Variants in PLXNA4 observed in about 807,000 individuals in gnomAD.
The protein encoded by PLXNA4 is plexin A4.
Under a neutral mutation model 191.8 loss-of-function variants are expected in PLXNA4, and 44 were observed. That is an observed-to-expected ratio of 0.23 (90% confidence interval 0.18 to 0.29). PLXNA4 has a LOEUF of 0.29. Among genes scored for constraint, PLXNA4 ranks in the 10% least tolerant of loss-of-function variants. The pLI is 1.00. For missense variants in PLXNA4, 1,800 were observed against 2,488.8 expected (o/e 0.72, Z 5.89); for synonymous variants, 1,082 against 1,009.5 (o/e 1.07, Z -1.36).
chr7:132,189,293 A>T (rs1427580504), intron 14 of PLXNA4, among the ~76,000 whole-genome samples: 2 of 151,972 alleles, frequency 1.3e-5, no homozygotes, highest in Non-Finnish European at 2.9e-5. Context: ...GTGAGAAGCT[A>T]TTAATTATTC....
At chr7:132,303,324 A>G (rs1801381617) in intron 3 of PLXNA4, among the ~76,000 whole-genome samples, 1 of 148,604 alleles carries the variant, frequency 6.7e-6, no homozygotes, top group South Asian at 2.2e-4. Flanking sequence ...TAATCCCAAC[A>G]CTTTGGGAAG....
rs116805420 is a variant in PLXNA4 at position 132,614,987 on chromosome 7, C to T, written c.-87+30941G>A. ...CCTGGCTTCCCAAGATGTCCCTTGC[C>T]CTTAAACTGTAATAAATCTCTCTCC... On this transcript the variant is annotated intron_variant, in intron 2 of 4. Coordinates refer to the PLXNA4 transcript ENST00000378539. Among the ~76,000 whole-genome samples, 898 of 152,256 alleles carry T rather than the reference C, an allele frequency of 5.9e-3. 7 individuals are homozygous for T. Among genetic ancestry groups the T allele is most frequent in the African/African-American group, 0.021 (872 of 41,554 alleles).
chr7:132,242,291 C>T (rs1377875281), intron 4 of PLXNA4, among the ~76,000 whole-genome samples: 1 of 152,048 alleles, frequency 6.6e-6, no homozygotes, highest in Non-Finnish European at 1.5e-5. Context: ...CATCATACAA[C>T]AGGCACAGAA....
At chr7:132,556,074 C>A (rs1013903382) in intron 1 of PLXNA4, among the ~76,000 whole-genome samples, 2 of 152,216 alleles carry the variant, frequency 1.3e-5, no homozygotes, top group African/African-American at 4.8e-5. Context: ...CCTCTAATCC[C>A]ACTAGAAGGT....
At position 132,148,580 on chromosome 7, in the gene PLXNA4, T is replaced by C; in HGVS notation, c.4727A>G (p.Asn1576Ser). 1 of 1,614,182 alleles carries C rather than the reference T, an allele frequency of 6.2e-7. No homozygotes were observed. The highest frequency in any genetic ancestry group is 8.5e-7 in the Non-Finnish European group (1 of 1,180,038). The change falls in exon 26 of 32, where the codon AAT (asparagine) becomes AGT (serine). Residue 1576 changes from asparagine (N) to serine (S), a missense_variant. Coordinates refer to ENST00000321063, the MANE Select transcript of PLXNA4 (RefSeq NM_020911.2). ...CAGTGTGTTCAGTCGCTTCCAATCA[T>C]TCTCAATCTTGGTGGTGATGTCTTC... ...QDEDITTKIENDWKRLNTLAH... is the reference protein window; with the variant it reads ...QDEDITTKIESDWKRLNTLAH...
chr7:132,439,982 ATGTGCATGTGTGAGTG>A (rs1410887008), intron 3 of PLXNA4, among the ~76,000 whole-genome samples: 1 of 104,688 alleles, frequency 9.6e-6, no homozygotes, highest in African/African-American at 3.5e-5. Context: ...ACATGTGTGC[ATGTGCATGTGTGAGTG>A]TGTGTGTGTG....
At chr7:132,450,154 C>T (rs1055869806) in intron 3 of PLXNA4, among the ~76,000 whole-genome samples, 5 of 152,172 alleles carry the variant, frequency 3.3e-5, no homozygotes, top group African/African-American at 9.7e-5. Context: ...TGCTCAGGCT[C>T]GCACAGAAGT....
chr7:132,553,072 T>C (rs537555086), intron 1 of PLXNA4, among the ~76,000 whole-genome samples: 4 of 152,276 alleles, frequency 2.6e-5, no homozygotes, highest in Non-Finnish European at 5.9e-5. Context: ...AAAGCCAGTA[T>C]CTCTGGGTGG....
intron 3 of PLXNA4, among the ~76,000 whole-genome samples, chr7:132,413,309 G>A (rs993319515): frequency 1.3e-5 from 2 of 152,166 alleles, no homozygotes; most frequent in Non-Finnish European, 2.9e-5. Context: ...CAGCCCAGGG[G>A]TTTGCTTCAC....
At position 132,130,263 on chromosome 7, in the gene PLXNA4, A is replaced by G; in HGVS notation, c.*216T>C. ...GCCATTCTTGGACTAACTGAGGGTCAGTGGCTTGGTCCAATCGTGTTGGCA... is the reference window on the plus strand; with the variant it reads ...GCCATTCTTGGACTAACTGAGGGTCGGTGGCTTGGTCCAATCGTGTTGGCA... On this transcript the variant is annotated 3_prime_UTR_variant, in exon 32 of 32. Coordinates refer to ENST00000321063, the MANE Select transcript of PLXNA4 (RefSeq NM_020911.2). 1 of 612,212 alleles carries G rather than the reference A, an allele frequency of 1.6e-6. No individual in the cohort carries two copies. Among genetic ancestry groups the G allele is most frequent in the South Asian group, 2.1e-5 (1 of 48,694 alleles). 37.9% of individuals were successfully genotyped at this position (612,212 alleles called of 1,614,324 possible). A position where few individuals can be genotyped will look rare whatever the true frequency, so the allele number is the denominator to read the frequency against.
At chr7:132,482,990 C>T (rs1429320018) in intron 3 of PLXNA4, among the ~76,000 whole-genome samples, 1 of 152,060 alleles carries the variant, frequency 6.6e-6, no homozygotes, top group Non-Finnish European at 1.5e-5. Context: ...CGCGCCCGGC[C>T]GAGAGACCTC....
chr7:132,534,541 TA>T (rs966702530), intron 1 of PLXNA4, among the ~76,000 whole-genome samples: 4 of 152,070 alleles, frequency 2.6e-5, no homozygotes, highest in African/African-American at 9.7e-5. Context: ...TGTGTGTGCA[TA>T]GATTCTGTAG....
chr7:132,473,458 A>T (rs1373903675), intron 3 of PLXNA4, among the ~76,000 whole-genome samples: 1 of 152,150 alleles, frequency 6.6e-6, no homozygotes, highest in Non-Finnish European at 1.5e-5. Context: ...TCTGTAGCTA[A>T]TGGACAGCAT....
intron 3 of PLXNA4, among the ~76,000 whole-genome samples, chr7:132,362,985 T>C (rs1206858570): frequency 6.6e-6 from 1 of 152,164 alleles, no homozygotes; most frequent in African/African-American, 2.4e-5. Flanking sequence ...TTCAAAACTA[T>C]TTTATTTATT....
intron 3 of PLXNA4, among the ~76,000 whole-genome samples, chr7:132,439,345 G>C (rs1795597155): frequency 6.6e-6 from 1 of 152,142 alleles, no homozygotes; most frequent in South Asian, 2.1e-4. Context: ...CTCAGAATGT[G>C]TGGCCAGCTA....
At chr7:132,489,200 G>C (rs879142690) in intron 3 of PLXNA4, 92 bp downstream of exon 3, 2 of 1,359,064 alleles carry the variant, frequency 1.5e-6, no homozygotes, top group East Asian at 4.7e-5. Context: ...CTGCCCACAC[G>C]CCCAAGTTAG....
At chr7:132,386,573 T>C (rs1368850487) in intron 3 of PLXNA4, among the ~76,000 whole-genome samples, 2 of 152,174 alleles carry the variant, frequency 1.3e-5, no homozygotes, top group African/African-American at 4.8e-5. Flanking sequence ...TGCCCAGGCT[T>C]GGGGTGGACA....
chr7:132,363,275 G>A (rs1393230299), intron 3 of PLXNA4, among the ~76,000 whole-genome samples: 5 of 152,068 alleles, frequency 3.3e-5, no homozygotes, highest in Non-Finnish European at 5.9e-5. Context: ...ATGAGCCACC[G>A]CACCCAGTCC....
chr7:132,191,558 G>A (rs1313451890), intron 14 of PLXNA4, among the ~76,000 whole-genome samples: 9 of 152,146 alleles, frequency 5.9e-5, no homozygotes, highest in African/African-American at 2.2e-4. Context: ...AGTTGGAGGT[G>A]GCTCTAGCCC....
Sources: gnomAD v4.1 joint callset for allele counts (sites outside exome capture counted in the v4.1 genomes callset) on GRCh38, gnomAD v4.1.1 for gene constraint, MANE v1.5 for transcripts, NCBI Gene and HGNC (gene_info 2026-07-23, HGNC 2026-07-21) for gene names.